Variants in ANKRD30BL observed in about 807,000 individuals in gnomAD.
ANKRD30BL encodes putative ankyrin repeat domain-containing protein 30B-like.
Under a neutral mutation model 18.4 loss-of-function variants are expected in ANKRD30BL, and 20 were observed. The observed-to-expected ratio is 1.09, with a 90% CI of 0.77 to 1.58. The LOEUF (loss-of-function observed/expected upper bound fraction) is 1.58. Among genes scored for constraint, ANKRD30BL ranks in the 40% most tolerant of loss-of-function variants. ANKRD30BL has a pLI of 0.00. For missense variants in ANKRD30BL, 224 were observed against 268.6 expected (o/e 0.83, Z 1.16); for synonymous variants, 72 against 100.9 (o/e 0.71, Z 1.72).
chr2:132,215,184 C>T (rs1679463657), intron 1 of ANKRD30BL, among the ~76,000 whole-genome samples: 1 of 152,266 alleles, frequency 6.6e-6, no homozygotes, highest in Admixed American at 6.5e-5. Context: ...GAAACATCTT[C>T]ACATAAGCAC....
intron 1 of ANKRD30BL, among the ~76,000 whole-genome samples, chr2:132,244,052 A>T (rs376174999): frequency 6.6e-6 from 1 of 152,106 alleles, no homozygotes; most frequent in Non-Finnish European, 1.5e-5. Context: ...GCGATTTGAG[A>T]CCTATGGTGA....
At chr2:132,216,061 G>A (rs1679490471) in intron 1 of ANKRD30BL, among the ~76,000 whole-genome samples, 2 of 151,280 alleles carry the variant, frequency 1.3e-5, no homozygotes, top group African/African-American at 2.4e-5. Context: ...TCTTTGTGAT[G>A]TGGGCATTCA....
At chr2:132,208,740 T>A (rs1285138032) in intron 1 of ANKRD30BL, among the ~76,000 whole-genome samples, 1 of 151,546 alleles carries the variant, frequency 6.6e-6, no homozygotes, top group Non-Finnish European at 1.5e-5. Flanking sequence ...TGCCCTCAGA[T>A]AGGATTCCAG....
intron 1 of ANKRD30BL, among the ~76,000 whole-genome samples, chr2:132,195,900 G>C (rs1190694285): frequency 3.3e-5 from 5 of 151,640 alleles, no homozygotes; most frequent in African/African-American, 1.2e-4. Flanking sequence ...CCAGCACTTT[G>C]GGAGGACCAG....
At chr2:132,192,501 G>A (rs62161712) in intron 1 of ANKRD30BL, among the ~76,000 whole-genome samples, 3 of 152,062 alleles carry the variant, frequency 2.0e-5, no homozygotes, top group African/African-American at 4.8e-5. Flanking sequence ...TGCTTCTGGC[G>A]CTACCTCTTC....
chr2:132,226,962 GA>G (rs1679865076), intron 1 of ANKRD30BL, among the ~76,000 whole-genome samples: 1 of 151,878 alleles, frequency 6.6e-6, no homozygotes, highest in Non-Finnish European at 1.5e-5. Context: ...GAGCAGGTTT[GA>G]AACACTCTTT....
chr2:132,225,361 T>C (rs1308053484), intron 1 of ANKRD30BL, among the ~76,000 whole-genome samples: 3 of 152,126 alleles, frequency 2.0e-5, no homozygotes, highest in Non-Finnish European at 4.4e-5. Flanking sequence ...CAGAAACTTC[T>C]TTGTGATGTT....
chr2:132,220,036 T>G (rs1293326099), intron 1 of ANKRD30BL, among the ~76,000 whole-genome samples: 1 of 152,210 alleles, frequency 6.6e-6, no homozygotes, highest in Non-Finnish European at 1.5e-5. Context: ...CAGAAACTTC[T>G]TTGTGATGTT....
chr2:132,180,307 C>G (rs1261882354), intron 1 of ANKRD30BL, among the ~76,000 whole-genome samples: 4 of 150,790 alleles, frequency 2.7e-5, no homozygotes, highest in Non-Finnish European at 4.4e-5. Flanking sequence ...GTATTTAGTA[C>G]AGTAACATGC....
chr2:132,222,733 G>C (rs1679724351), intron 1 of ANKRD30BL, among the ~76,000 whole-genome samples: 1 of 144,148 alleles, frequency 6.9e-6, no homozygotes. Flanking sequence ...AGGAAAACCA[G>C]AGACCTTTGT....
At chr2:132,231,009 G>T (rs1679994995) in intron 1 of ANKRD30BL, among the ~76,000 whole-genome samples, 2 of 152,128 alleles carry the variant, frequency 1.3e-5, no homozygotes, top group South Asian at 4.1e-4. Flanking sequence ...CTAGACAGAA[G>T]ATTTCTCAGA....
At chr2:132,211,205 T>C (rs1573846094) in intron 1 of ANKRD30BL, among the ~76,000 whole-genome samples, 1 of 151,894 alleles carries the variant, frequency 6.6e-6, no homozygotes, top group Non-Finnish European at 1.5e-5. Context: ...TTGAGGCCTA[T>C]GGTGGAAAAG....
chr2:132,222,240 C>T (rs1465021170), intron 1 of ANKRD30BL, among the ~76,000 whole-genome samples: 160 of 149,468 alleles, frequency 1.1e-3, no homozygotes, highest in African/African-American at 3.5e-3. Context: ...CCCGGCCAGC[C>T]GCCCCATCCG....
At chr2:132,222,707 G>C (rs554300539) in intron 1 of ANKRD30BL, among the ~76,000 whole-genome samples, 2 of 151,774 alleles carry the variant, frequency 1.3e-5, no homozygotes, top group South Asian at 4.2e-4. Flanking sequence ...GCGGAAGGCC[G>C]CAGGGTCCTC....
At chr2:132,182,095 C>T (rs1363528523) in intron 1 of ANKRD30BL, among the ~76,000 whole-genome samples, 5 of 151,230 alleles carry the variant, frequency 3.3e-5, no homozygotes, top group Non-Finnish European at 7.4e-5. Flanking sequence ...GCCTGGGCAA[C>T]AGAGCAAGAC....
rs763199936 is a variant in ANKRD30BL at position 132,161,488 on chromosome 2, C to A, written c.218G>T (p.Arg73Met). 80 of 1,455,566 alleles carry A rather than the reference C, an allele frequency of 5.5e-5. No homozygotes were observed. Among genetic ancestry groups the A allele is most frequent in the Non-Finnish European group, 7.2e-5 (77 of 1,062,518 alleles). 90.2% of individuals were successfully genotyped at this position (1,455,566 alleles called of 1,614,324 possible). A position where few individuals can be genotyped will look rare whatever the true frequency, so the allele number is the denominator to read the frequency against. Residue 73 changes from arginine to methionine, a missense_variant and splice_region_variant, in exon 1 of 6, where the codon AGG becomes ATG. By Grantham distance (91) the Arg-to-Met change is moderately conservative. Around this residue, in one of 3 missense-constraint regions of ANKRD30BL, gnomAD observed 131 missense variants for 128.8 expected, o/e 1.02. Transcript: ENST00000409867. ...MDLNIRDAKK[R>M]TALYWACANG... ...CCCCGGCTCAGGCAGGGCCTGGTAC[C>A]TCTTCTTCGCATCTCTTATGTTCAG... is the stretch of plus-strand genomic sequence containing the variant.
At chr2:132,236,610 A>G (rs558592727) in intron 1 of ANKRD30BL, among the ~76,000 whole-genome samples, 1 of 152,298 alleles carries the variant, frequency 6.6e-6, no homozygotes, top group East Asian at 1.9e-4. Context: ...GCAATCATTA[A>G]AAAGAGAGGA....
chr2:132,193,226 A>T (rs898834548), intron 1 of ANKRD30BL, among the ~76,000 whole-genome samples: 2 of 152,230 alleles, frequency 1.3e-5, no homozygotes, highest in African/African-American at 4.8e-5. Flanking sequence ...GCAGAGATGG[A>T]CGATACATAT....
intron 1 of ANKRD30BL, among the ~76,000 whole-genome samples, chr2:132,222,112 C>A (rs1004160769): frequency 6.7e-6 from 1 of 148,358 alleles, no homozygotes. Flanking sequence ...ACCCGGCCAG[C>A]CGCCCTATCT....
Sources: allele counts gnomAD v4.1 joint callset (sites outside exome capture counted in the v4.1 genomes callset), GRCh38; gene constraint gnomAD v4.1.1; regional missense constraint gnomAD v4.1.1; transcripts MANE v1.5; gene names NCBI Gene and HGNC (gene_info 2026-07-23, HGNC 2026-07-21).